The following INPP4B variants were observed in gnomAD, a reference collection of about 807,000 sequenced individuals.
The protein encoded by INPP4B is inositol polyphosphate 4-phosphatase type II.
INPP4B carries 55 observed loss-of-function variants against 122.5 expected under a neutral mutation model. The observed-to-expected ratio is 0.45, with a 90% CI of 0.36 to 0.56. The LOEUF (loss-of-function observed/expected upper bound fraction) is 0.56, where lower values mean the gene tolerates loss of function less well. INPP4B is among the 20% of genes least tolerant of loss of function. The pLI is 0.00. For synonymous variants in INPP4B, 403 were observed against 388.7 expected, an observed-to-expected ratio of 1.04 and a Z score of -0.43; for missense variants, 1,000 against 1,097.7, an observed-to-expected ratio of 0.91 and a Z score of 1.26.
chr4:142,440,956 T>A (rs929229004), intron 3 of INPP4B, among the ~76,000 whole-genome samples: 1 of 152,142 alleles, frequency 6.6e-6, no homozygotes, highest in African/African-American at 2.4e-5. Context: ...GTCCATTAGA[T>A]TTTTGTGTGT....
At chr4:142,619,251 G>A (rs543032052) in intron 2 of INPP4B, among the ~76,000 whole-genome samples, 58 of 151,814 alleles carry the variant, frequency 3.8e-4, no homozygotes, top group Non-Finnish European at 6.8e-4. Flanking sequence ...TTATCCAAAG[G>A]AATTGAAATC....
At chr4:142,838,281 C>T (rs190746416) in intron 1 of INPP4B, among the ~76,000 whole-genome samples, 3 of 151,538 alleles carry the variant, frequency 2.0e-5, no homozygotes, top group Admixed American at 2.0e-4. Flanking sequence ...TGATTTTTTT[C>T]TGACTCTTTG....
chr4:142,202,760 G>A (rs1191450310), intron 14 of INPP4B: 2 of 984,784 alleles, frequency 2.0e-6, no homozygotes, highest in African/African-American at 1.7e-5. Context: ...AATCCCACTT[G>A]AGATATCTGA....
chr4:142,267,427 C>A (rs1743350766), intron 10 of INPP4B, among the ~76,000 whole-genome samples: 2 of 152,056 alleles, frequency 1.3e-5, no homozygotes, highest in Admixed American at 1.3e-4. Flanking sequence ...ATGGGCAATT[C>A]GTTTTCAACA....
At chr4:142,479,291 C>T (rs1171219174) in intron 2 of INPP4B, among the ~76,000 whole-genome samples, 1 of 151,976 alleles carries the variant, frequency 6.6e-6, no homozygotes, top group African/African-American at 2.4e-5. Context: ...GACAGAATTG[C>T]TATTAAAATG....
chr4:142,442,411 CAAAAAAA>C (rs70949167), intron 3 of INPP4B, among the ~76,000 whole-genome samples: 1 of 78,646 alleles, frequency 1.3e-5, no homozygotes, highest in African/African-American at 5.0e-5. Context: ...GACTCCATCT[CAAAAAAA>C]AAAAAAAAAA....
intron 12 of INPP4B, among the ~76,000 whole-genome samples, chr4:142,217,579 T>C (rs535615305): frequency 1.5e-3 from 232 of 152,332 alleles, no homozygotes; most frequent in Non-Finnish European, 2.7e-3. Flanking sequence ...AAGCAAGTCT[T>C]CCTTAGGGAT....
intron 7 of INPP4B, among the ~76,000 whole-genome samples, chr4:142,385,535 C>T (rs10018876): frequency 0.25 from 37,219 of 151,856 alleles, 4,977 homozygotes; most frequent in East Asian, 0.44. Flanking sequence ...ATGGTCTTAC[C>T]GAACGATTAT....
Position 142,735,214 on chromosome 4 carries a change from G to A in INPP4B, c.-253-9313C>T, listed in dbSNP as rs192464484. Among the ~76,000 whole-genome samples, 348 of 152,158 alleles carry A rather than the reference G, an allele frequency of 2.3e-3. 1 individual carries two copies. Among genetic ancestry groups the A allele is most frequent in the African/African-American group, 7.9e-3 (328 of 41,492 alleles). ...GTCTATTCAATTTTAAAGCATATTT[G>A]TATACTTAACAGTGTATATATTTGA... On this transcript the variant is annotated intron_variant, in intron 1 of 25. Transcript: ENST00000262992.
chr4:142,635,939 T>TA (rs1749060205), intron 2 of INPP4B, among the ~76,000 whole-genome samples: 1 of 152,122 alleles, frequency 6.6e-6, no homozygotes, highest in South Asian at 2.1e-4. Flanking sequence ...ATGCCAGAAA[T>TA]AAAAATAATT....
chr4:142,098,208 G>A (rs1782834968), intron 23 of INPP4B, among the ~76,000 whole-genome samples: 1 of 152,046 alleles, frequency 6.6e-6, no homozygotes, highest in Non-Finnish European at 1.5e-5. Flanking sequence ...GTCCATGGGG[G>A]GCAGAAGTCA....
intron 2 of INPP4B, among the ~76,000 whole-genome samples, chr4:142,639,316 G>A (rs933686886): frequency 1.3e-5 from 2 of 152,160 alleles, no homozygotes; most frequent in African/African-American, 4.8e-5. Context: ...CCATCTGAAT[G>A]TGATTGTAGA....
intron 1 of INPP4B, among the ~76,000 whole-genome samples, chr4:142,826,283 T>C (rs1160242790): frequency 5.3e-5 from 8 of 152,166 alleles, no homozygotes; most frequent in Admixed American, 2.6e-4. Context: ...ATACTTTAAG[T>C]TTCATAGGCC....
intron 8 of INPP4B, among the ~76,000 whole-genome samples, chr4:142,306,625 A>C (rs1763479743): frequency 2.0e-5 from 3 of 152,212 alleles, no homozygotes; most frequent in Non-Finnish European, 2.9e-5. Flanking sequence ...AGAGGAAAGA[A>C]AAGCTTCAAG....
intron 18 of INPP4B, among the ~76,000 whole-genome samples, chr4:142,137,793 C>A (rs1805428521): frequency 6.6e-6 from 1 of 151,762 alleles, no homozygotes; most frequent in East Asian, 1.9e-4. Context: ...AAATGCTCAC[C>A]ATCACTGGCC....
intron 1 of INPP4B, among the ~76,000 whole-genome samples, chr4:142,806,479 C>T (rs1042884800): frequency 4.0e-5 from 6 of 151,684 alleles, no homozygotes; most frequent in East Asian, 3.9e-4. Flanking sequence ...AGGTGGCTCA[C>T]GCCTATAATC....
intron 2 of INPP4B, among the ~76,000 whole-genome samples, chr4:142,548,749 C>CTG (rs35765248): frequency 0.02 from 2,928 of 144,996 alleles, 35 homozygotes; most frequent in African/African-American, 0.026. Context: ...ACAGATGTGT[C>CTG]TGTGTGTGTG....
intron 2 of INPP4B, among the ~76,000 whole-genome samples, chr4:142,600,029 T>C (rs1044700058): frequency 6.6e-6 from 1 of 152,042 alleles, no homozygotes; most frequent in Non-Finnish European, 1.5e-5. Flanking sequence ...TGAGAAACTA[T>C]TAAGTGACAA....
intron 1 of INPP4B, among the ~76,000 whole-genome samples, chr4:142,733,570 A>C (rs2150889243): frequency 6.6e-6 from 1 of 152,282 alleles, no homozygotes; most frequent in East Asian, 1.9e-4. Flanking sequence ...TAAAATTACA[A>C]TGAGATGTCA....
Sources: gnomAD v4.1 joint callset for allele counts (sites outside exome capture counted in the v4.1 genomes callset) on GRCh38, gnomAD v4.1.1 for gene constraint, MANE v1.5 for transcripts, NCBI Gene and HGNC (gene_info 2026-07-23, HGNC 2026-07-21) for gene names.